The following MMP13 variants were observed in gnomAD, a reference collection of about 807,000 sequenced individuals.
MMP13 encodes collagenase 3.
A neutral mutation model predicts 52.1 loss-of-function variants in MMP13; 45 were observed. That is an observed-to-expected ratio of 0.86 (90% CI 0.68 to 1.11). The LOEUF is 1.11. Ranked by LOEUF, MMP13 falls within the 50% of genes least tolerant of loss-of-function variation. MMP13 has a pLI of 0.00. For missense variants in MMP13, 576 were observed against 583.8 expected, an observed-to-expected ratio of 0.99 and a Z score of 0.14; for synonymous variants, 200 against 204.4, an observed-to-expected ratio of 0.98 and a Z score of 0.18.
chr11:102,954,089 C>T (rs977835451), intron 4 of MMP13, 67 bp downstream of exon 4: 2 of 1,576,480 alleles, frequency 1.3e-6, no homozygotes, highest in Admixed American at 1.7e-5. Flanking sequence ...TGTGTTTTAA[C>T]TTCATACTAG....
In MMP13 at chr11:102,954,588, AG is replaced by A; in HGVS notation, c.380del (p.Pro127LeufsTer3). 1 of 1,613,594 alleles carries A rather than the reference AG, an allele frequency of 6.2e-7. No individual in the cohort carries two copies. The highest frequency in any genetic ancestry group is 8.5e-7 in the Non-Finnish European group (1 of 1,179,654). On this transcript the variant is annotated frameshift_variant, in exon 3 of 10. Coordinates refer to ENST00000260302, the MANE Select transcript of MMP13 (RefSeq NM_002427.4). LOFTEE classifies it high-confidence loss of function. ...TTTCGACTTCAGAATGAGTCATATC[AG>A]GGGTGTAATTCACAATTCTATTTAA... The part of the protein sequence containing the change: ...NLTYRIVNYT[P>X]DMTHSEVEKA...
chr11:102,948,020 T>G lies in MMP13; in HGVS notation c.1082A>C (p.Asp361Ala), dbSNP rs145425594. Reference sequence around the variant, plus strand: ...TTTTTTGGGATAACCTTCCAGAATGTCATAACCATTAAGAGCCCAAAATTT... The same window carrying G: ...TTTTTTGGGATAACCTTCCAGAATGGCATAACCATTAAGAGCCCAAAATTT... Reference protein sequence around the residue: ...GRKFWALNGYDILEGYPKKIS... With the variant: ...GRKFWALNGYAILEGYPKKIS... The change falls in exon 8 of 10, where the codon GAC (aspartate) becomes GCC (alanine). Residue 361 changes from aspartate (D) to alanine (A), a missense_variant. Physicochemically the swap from Asp to Ala is moderately radical, Grantham distance 126 (BLOSUM62 -2). Transcript: ENST00000260302. 3 of 1,613,748 alleles carry G rather than the reference T, an allele frequency of 1.9e-6. No individual in the cohort carries two copies. Among genetic ancestry groups the G allele is most frequent in the Non-Finnish European group, 1.7e-6 (2 of 1,179,826 alleles).
chr11:102,950,141 G>A lies in MMP13; in HGVS notation c.886C>T (p.Leu296Phe). 3 of 1,613,360 alleles carry A rather than the reference G, an allele frequency of 1.9e-6. No individual in the cohort carries two copies. The highest frequency in any genetic ancestry group is 2.5e-6 in the Non-Finnish European group (3 of 1,179,354). Residue 296 changes from leucine to phenylalanine, a missense_variant, in exon 6 of 10, where the codon CTC becomes TTC. Physicochemically the swap from Leu to Phe is conservative, Grantham distance 22. Coordinates refer to ENST00000260302, the MANE Select transcript of MMP13 (RefSeq NM_002427.4). ...TTAAAGATCATTGTTTCTCCTCGGA[G>A]ACTGGTAATGGCATCAAGGGATAAG... ...PSLSLDAITSLRGETMIFKDR... is the reference protein window; with the variant it reads ...PSLSLDAITSFRGETMIFKDR...
rs1000556506 is a variant in MMP13, at chr11:102,954,405, G to A, written c.511+53C>T. The A allele has an allele frequency of 7.5e-6, 12 of 1,594,520 alleles. 1 individual carries two copies. Among genetic ancestry groups the A allele is most frequent in the South Asian group, 2.2e-5 (2 of 89,504 alleles). On this transcript the variant is annotated intron_variant, in intron 3 of 9. Coordinates refer to ENST00000260302, the MANE Select transcript of MMP13 (RefSeq NM_002427.4). ...TGACTGAAATAAATAATTTTAAAAT[G>A]GAACCAAGAATTAGAATATAAAAAT... is the stretch of plus-strand genomic sequence containing the variant.
Position 102,950,095 on chromosome 11 carries a change from G to C in MMP13, c.917+15C>G. The C allele has an allele frequency of 6.3e-7, 1 of 1,578,148 alleles. No homozygotes were observed. Among genetic ancestry groups the C allele is most frequent in the Non-Finnish European group, 8.7e-7 (1 of 1,147,324 alleles). On this transcript the variant is annotated intron_variant, in intron 6 of 9. Transcript: ENST00000260302. ...TTTGTCGCATACAGACTTTATGAAA[G>C]AATCTCAAGAGTACCTGTCTTTAAA...
chr11:102,955,084 G>C lies in MMP13; in HGVS notation c.362+168C>G, dbSNP rs1285066884. ...TTTGAGATGCCCACTAAAAAATAAT[G>C]CTGAGTTAATGTAACAATAATAGAT... is the stretch of plus-strand genomic sequence containing the variant. On this transcript the variant is annotated intron_variant, in intron 2 of 9. Transcript: ENST00000260302. This position sits in a 1 kb window ranked among gnomAD's most constrained non-coding sequence, Gnocchi z 4.9. Among the ~76,000 whole-genome samples the C allele has an allele frequency of 6.6e-6, 1 of 152,086 alleles. No homozygotes were observed. The highest frequency in any genetic ancestry group is 1.5e-5 in the Non-Finnish European group (1 of 68,006).
At chr11:102,947,327 A>G (rs1452324892) in intron 8 of MMP13, among the ~76,000 whole-genome samples, 1 of 152,172 alleles carries the variant, frequency 6.6e-6, no homozygotes, top group Non-Finnish European at 1.5e-5. Context: ...CTGTAATTCC[A>G]CCATTTTGGG....
chr11:102,945,321 T>C (rs1303943422), intron 9 of MMP13: 1 of 1,021,144 alleles, frequency 9.8e-7, no homozygotes, highest in African/African-American at 1.7e-5. Flanking sequence ...TCTTTATATA[T>C]AAATTACTTC....
Position 102,949,684 on chromosome 11 carries a change from A to G in MMP13, c.917+426T>C, listed in dbSNP as rs1315146919. Among the ~76,000 whole-genome samples the G allele has an allele frequency of 6.6e-6, 1 of 152,190 alleles. No individual in the cohort carries two copies. Among genetic ancestry groups the G allele is most frequent in the East Asian group, 1.9e-4 (1 of 5,204 alleles). On this transcript the variant is annotated intron_variant, in intron 6 of 9. Transcript: ENST00000260302. This position sits in a 1 kb window ranked among gnomAD's most constrained non-coding sequence, Gnocchi z 4.2. Reference sequence around the variant, plus strand: ...AACAGTGTAGAAATTAAAATTTTATATTGCATTTCTGGGTTCATTTCATTT... The same window carrying G: ...AACAGTGTAGAAATTAAAATTTTATGTTGCATTTCTGGGTTCATTTCATTT...
At position 102,944,153 on chromosome 11, in the gene MMP13, T is replaced by G. The variant is rs1860455690; in HGVS notation, c.*113A>C. On this transcript the variant is annotated 3_prime_UTR_variant, in exon 10 of 10. Coordinates refer to ENST00000260302, the MANE Select transcript of MMP13 (RefSeq NM_002427.4). The stretch of plus-strand genomic sequence containing the variant: ...ATATTCAAAGATAACTTACTGAAGC[T>G]TGTTCACAGAACCAAGCTTTCTCCT... 1.3e-6 allele frequency: 1 copy of G among 787,300 alleles called. No individual in the cohort carries two copies. The highest frequency in any genetic ancestry group is 1.7e-5 in the Admixed American group (1 of 57,720). 48.8% of individuals were successfully genotyped at this position (787,300 alleles called of 1,614,324 possible). A position where few individuals can be genotyped will look rare whatever the true frequency, so the allele number is the denominator to read the frequency against.
At position 102,952,133 on chromosome 11, in the gene MMP13, G is replaced by A. The variant is rs369960644; in HGVS notation, c.678C>T (p.His226=). The A allele has an allele frequency of 9.3e-6, 15 of 1,613,200 alleles. No individual in the cohort carries two copies. The highest frequency in any genetic ancestry group is 8.3e-5 in the Admixed American group (5 of 59,968). ...LFLVAAHEFG[H]SLGLDHSKDP... Reference sequence around the variant, plus strand: ...CCTTGGAGTGGTCAAGACCTAAGGAGTGGCCGAACTCATGCGCAGCAACAA... The same window carrying A: ...CCTTGGAGTGGTCAAGACCTAAGGAATGGCCGAACTCATGCGCAGCAACAA... Residue 226 remains histidine (H), a synonymous_variant, in exon 5 of 10, where the codon CAC becomes CAT. Coordinates refer to ENST00000260302, the MANE Select transcript of MMP13 (RefSeq NM_002427.4). This position sits in a 1 kb window ranked among gnomAD's most constrained non-coding sequence, Gnocchi z 4.3.
chr11:102,955,343 T>C lies in MMP13; in HGVS notation c.271A>G (p.Met91Val), dbSNP rs1489541176. 1 of 1,613,938 alleles carries C rather than the reference T, an allele frequency of 6.2e-7. No homozygotes were observed. Among genetic ancestry groups the C allele is most frequent in the Non-Finnish European group, 8.5e-7 (1 of 1,179,956 alleles). The change falls in exon 2 of 10, where the codon ATG (methionine) becomes GTG (valine). Residue 91 changes from methionine (M) to valine (V), a missense_variant. Met to Val is a conservative substitution (Grantham distance 21). Coordinates refer to ENST00000260302, the MANE Select transcript of MMP13 (RefSeq NM_002427.4). The surrounding 1 kb of genome is among the most constrained non-coding windows in gnomAD (Gnocchi z 4.9). ...GKLDDNTLDVMKKPRCGVPDV... is the reference protein window; with the variant it reads ...GKLDDNTLDVVKKPRCGVPDV... ...GGAACCCCGCATCTTGGCTTTTTCA[T>C]GACATCTAAGGTGTTATCGTCAAGT...
chr11:102,945,318 A>G (rs1591152965), intron 9 of MMP13: 1 of 1,020,372 alleles, frequency 9.8e-7, no homozygotes, highest in Non-Finnish European at 1.2e-6. Context: ...GAGTCTTTAT[A>G]TATAAATTAC....
Position 102,947,892 on chromosome 11 carries a change from T to C in MMP13, c.1210A>G (p.Arg404Gly). The C allele has an allele frequency of 6.2e-7, 1 of 1,613,910 alleles. No homozygotes were observed. The highest frequency in any genetic ancestry group is 8.5e-7 in the Non-Finnish European group (1 of 1,179,846). ...TLLFSGNQVW[R>G]YDDTNHIMDK... Reference sequence around the variant, plus strand: ...GGTCAGTACCTACTGCTGCCATACCTCCAGACCTGGTTTCCTGAGAACAGG... The same window carrying C: ...GGTCAGTACCTACTGCTGCCATACCCCCAGACCTGGTTTCCTGAGAACAGG... The change falls in exon 8 of 10, where the codon AGA (arginine) becomes GGA (glycine). Residue 404 changes from arginine to glycine, a missense_variant and splice_region_variant. Arg to Gly is a moderately radical substitution (Grantham distance 125, BLOSUM62 -2). Transcript: ENST00000260302.
At chr11:102,947,382 G>A (rs1223180014) in intron 8 of MMP13, among the ~76,000 whole-genome samples, 1 of 152,098 alleles carries the variant, frequency 6.6e-6, no homozygotes, top group African/African-American at 2.4e-5. Context: ...CCTGACCAGT[G>A]TGGCAAAACC....
In MMP13 at chr11:102,954,182, T is replaced by A. The variant is rs1860656361; in HGVS notation, c.611A>T (p.Asp204Val). 2 of 1,613,606 alleles carry A rather than the reference T, an allele frequency of 1.2e-6. No homozygotes were observed. The highest frequency in any genetic ancestry group is 1.7e-6 in the Non-Finnish European group (2 of 1,179,692). The change falls in exon 4 of 10, where the codon GAT (aspartate) becomes GTT (valine). Residue 204 changes from aspartate (D) to valine (V), a missense_variant. By Grantham distance (152) the Asp-to-Val change is radical. Coordinates refer to ENST00000260302, the MANE Select transcript of MMP13 (RefSeq NM_002427.4). ...TTTGGAACTACTTGTCCAGGTTTCA[T>A]CATCATCAAAATGGGCATCTCCTCC... ...NYGGDAHFDDDETWTSSSKGY... is the reference protein window; with the variant it reads ...NYGGDAHFDDVETWTSSSKGY...
rs141332889 is a variant in MMP13, at chr11:102,945,015, G to C, written c.1315+631C>G. The C allele has an allele frequency of 6.5e-3, 1,361 of 210,390 alleles. 23 individuals are homozygous for C. Among genetic ancestry groups the C allele is most frequent in the African/African-American group, 0.03 (1,294 of 42,830 alleles). 13.0% of individuals were successfully genotyped at this position (210,390 alleles called of 1,614,324 possible). A position where few individuals can be genotyped will look rare whatever the true frequency, so the allele number is the denominator to read the frequency against. ...TCTGAGCACTTTGGGAGGCCGAGGC[G>C]GGTGAATCGCTTGAGGCCAGGAGTT... is the stretch of plus-strand genomic sequence containing the variant. On this transcript the variant is annotated intron_variant, in intron 9 of 9. Transcript: ENST00000260302.
At position 102,952,014 on chromosome 11, in the gene MMP13, T is replaced by C. The variant is rs1555017381; in HGVS notation, c.797A>G (p.Tyr266Cys). The change falls in exon 5 of 10, where the codon TAT becomes TGT. Residue 266 changes from tyrosine (Y) to cysteine (C), a missense_variant and splice_region_variant. Physicochemically the swap from Tyr to Cys is radical, Grantham distance 194. Coordinates refer to ENST00000260302, the MANE Select transcript of MMP13 (RefSeq NM_002427.4). This position sits in a 1 kb window ranked among gnomAD's most constrained non-coding sequence, Gnocchi z 4.3. ...TTCTATTTCTATAACCGAGTTACCA[T>C]AGAGAGACTGGATCCCTTGTACATC... ...DDDVQGIQSL[Y>C]GPGDEDPNPK... is the part of the protein sequence containing the mutation. 3 of 1,613,020 alleles carry C rather than the reference T, an allele frequency of 1.9e-6. No individual in the cohort carries two copies. Among genetic ancestry groups the C allele is most frequent in the South Asian group, 2.2e-5 (2 of 91,076 alleles).
chr11:102,954,696 A>G lies in MMP13; in HGVS notation c.363-90T>C, dbSNP rs1009174440. On this transcript the variant is annotated intron_variant, in intron 2 of 9. Coordinates refer to ENST00000260302, the MANE Select transcript of MMP13 (RefSeq NM_002427.4). ...CTTGGTATATTGCTTTTCAATTCAA[A>G]ATGCAATAATTTCTTTGAAAGTTCT... 3 of 1,216,492 alleles carry G rather than the reference A, an allele frequency of 2.5e-6. No individual in the cohort carries two copies. The African/African-American group carries it at 4.5e-5, about 18-fold the overall frequency. The allele number at this position is 1,216,492 out of a possible 1,614,324, so 75.4% of individuals were successfully genotyped here.
Sources: allele counts gnomAD v4.1 joint callset (sites outside exome capture counted in the v4.1 genomes callset), GRCh38; gene constraint gnomAD v4.1.1; non-coding constraint Gnocchi (gnomAD v3.1); transcripts MANE v1.5; gene names NCBI Gene and HGNC (gene_info 2026-07-23, HGNC 2026-07-21).